The following LGALS8 variants were observed in gnomAD, a reference collection of about 807,000 sequenced individuals.
The protein encoded by LGALS8 is galectin 8.
In LGALS8, 30 loss-of-function variants were observed where a neutral mutation model predicts 35.9. That is an observed-to-expected ratio of 0.83 (90% confidence interval 0.62 to 1.13). The LOEUF is 1.13. LGALS8 is among the 50% of genes most tolerant of loss of function. LGALS8 has a pLI of 0.00. For missense variants in LGALS8, 366 were observed against 388.7 expected, an observed-to-expected ratio of 0.94 and a Z score of 0.49; for synonymous variants, 138 against 136.1, an observed-to-expected ratio of 1.01 and a Z score of -0.10.
rs10158194 is a variant in LGALS8, at chr1:236,551,146, C to T, written c.*2985C>T. ...TAACAAAGCAGGAGGCGCCACGGAC[C>T]GCCTCCCTCCACACCGCTCCTTCCG... On this transcript the variant is annotated 3_prime_UTR_variant, in exon 10 of 10. Coordinates refer to ENST00000366584, the MANE Select transcript of LGALS8 (RefSeq NM_201544.4). 1,505 of 604,796 alleles carry T rather than the reference C, an allele frequency of 2.5e-3. 18 individuals are homozygous for T. In the African/African-American group the frequency reaches 0.025, roughly 10 times the overall value. The allele number at this position is 604,796 out of a possible 1,614,324, so 37.5% of individuals were successfully genotyped here. A position where few individuals can be genotyped will look rare whatever the true frequency, so the allele number is the denominator to read the frequency against.
intron 2 of LGALS8, among the ~76,000 whole-genome samples, chr1:236,530,912 T>C (rs1661105712): frequency 6.6e-6 from 1 of 152,220 alleles, no homozygotes; most frequent in Admixed American, 6.5e-5. Context: ...CCAAGGGCAA[T>C]CACTTTTTAC....
At chr1:236,531,698 T>C (rs973302657) in intron 2 of LGALS8, among the ~76,000 whole-genome samples, 1 of 152,108 alleles carries the variant, frequency 6.6e-6, no homozygotes, top group Non-Finnish European at 1.5e-5. Context: ...GTTTTCCTCT[T>C]ACTGAAATTT....
rs754673793 is a variant in LGALS8, at chr1:236,526,155, G to A, written c.45+40G>A. On this transcript the variant is annotated intron_variant, in intron 2 of 9. Coordinates refer to ENST00000366584, the MANE Select transcript of LGALS8 (RefSeq NM_201544.4). This position sits in a 1 kb window ranked among gnomAD's most constrained non-coding sequence, Gnocchi z 4.6. Reference sequence around the variant, plus strand: ...TAAGATAACTTTTTACCTATGCCAGGACAGATCCAATAGAATATTAATTAT... The same window carrying A: ...TAAGATAACTTTTTACCTATGCCAGAACAGATCCAATAGAATATTAATTAT... 2 of 1,382,600 alleles carry A rather than the reference G, an allele frequency of 1.4e-6. No individual in the cohort carries two copies. The highest frequency in any genetic ancestry group is 1.7e-5 in the Admixed American group (1 of 58,894). The allele number at this position is 1,382,600 out of a possible 1,614,324, so 85.6% of individuals were successfully genotyped here.
chr1:236,544,974 A>G (rs532988269), intron 9 of LGALS8, 59 bp downstream of exon 9: 47 of 1,337,820 alleles, frequency 3.5e-5, no homozygotes, highest in Middle Eastern at 1.9e-4. Context: ...CAGGGGTGGG[A>G]TAAGTGGTCC....
At position 236,550,896 on chromosome 1, in the gene LGALS8, A is replaced by G; in HGVS notation, c.*2735A>G. On this transcript the variant is annotated 3_prime_UTR_variant, in exon 10 of 10. Coordinates refer to ENST00000366584, the MANE Select transcript of LGALS8 (RefSeq NM_201544.4). Reference sequence around the variant, plus strand: ...CTGAGTAGAGTATGAAACACCACAGAAAGTCTTAGAAATAGCTCTGGAGTG... The same window carrying G: ...CTGAGTAGAGTATGAAACACCACAGGAAGTCTTAGAAATAGCTCTGGAGTG... 1 of 1,590,028 alleles carries G rather than the reference A, an allele frequency of 6.3e-7. No homozygotes were observed. Among genetic ancestry groups the G allele is most frequent in the Non-Finnish European group, 8.5e-7 (1 of 1,170,608 alleles).
Position 236,544,791 on chromosome 1 carries a change from C to G in LGALS8, c.680C>G (p.Ala227Gly), listed in dbSNP as rs771132115. Residue 227 changes from alanine to glycine, a missense_variant, in exon 9 of 10, where the codon GCT becomes GGT. Physicochemically the swap from Ala to Gly is moderately conservative, Grantham distance 60 (BLOSUM62 0). Transcript: ENST00000366584. ...CTAGCAGGAAAATCAAAGGATATTG[C>G]TCTACACTTGAACCCACGCCTGAAT... is the stretch of plus-strand genomic sequence containing the variant. The part of the protein sequence containing the change: ...DLLAGKSKDI[A>G]LHLNPRLNIK... 6.2e-7 allele frequency: 1 copy of G among 1,613,490 alleles called. No homozygotes were observed. Among genetic ancestry groups the G allele is most frequent in the Non-Finnish European group, 8.5e-7 (1 of 1,179,698 alleles).
In LGALS8 at chr1:236,548,988, G is replaced by A. The variant is rs1662582961; in HGVS notation, c.*827G>A. On this transcript the variant is annotated 3_prime_UTR_variant, in exon 10 of 10. Coordinates refer to ENST00000366584, the MANE Select transcript of LGALS8 (RefSeq NM_201544.4). ...ACACAGACGCCTACAGAAAGTTTCA[G>A]GAAGAGGCAAGATGCATTCAATTTG... is the stretch of plus-strand genomic sequence containing the variant. 2.5e-6 allele frequency: 1 copy of A among 398,502 alleles called. No individual in the cohort carries two copies. Among genetic ancestry groups the A allele is most frequent in the Non-Finnish European group, 4.4e-6 (1 of 226,070 alleles). The allele number at this position is 398,502 out of a possible 1,614,324, so 24.7% of individuals were successfully genotyped here.
chr1:236,530,436 C>T (rs1294806869), intron 2 of LGALS8, among the ~76,000 whole-genome samples: 6 of 152,156 alleles, frequency 3.9e-5, no homozygotes, highest in Non-Finnish European at 8.8e-5. Flanking sequence ...TGATTTTTCA[C>T]TCTCTTTTCT....
At chr1:236,518,966 C>G (rs150552721), upstream of LGALS8, among the ~76,000 whole-genome samples, 292 of 152,254 alleles carry the variant, frequency 1.9e-3, no homozygotes, top group African/African-American at 6.5e-3. Flanking sequence ...AATATGGCAT[C>G]TATTTCTGTT....
intron 2 of LGALS8, among the ~76,000 whole-genome samples, chr1:236,535,899 C>T (rs1403983942): frequency 2.0e-5 from 3 of 152,238 alleles, no homozygotes; most frequent in Non-Finnish European, 2.9e-5. Flanking sequence ...CTGCCAGAGC[C>T]CACTTTCCAG....
At chr1:236,546,914 A>G (rs544791091) in intron 9 of LGALS8, among the ~76,000 whole-genome samples, 1 of 141,570 alleles carries the variant, frequency 7.1e-6, no homozygotes, top group East Asian at 2.0e-4. Context: ...CTCTGTAGCC[A>G]CAGAAGCTTC....
chr1:236,544,345 G>C (rs1662224292), intron 8 of LGALS8, among the ~76,000 whole-genome samples: 1 of 152,138 alleles, frequency 6.6e-6, no homozygotes, highest in South Asian at 2.1e-4. Flanking sequence ...CTGAAAGCTT[G>C]AAATTAGAGC....
chr1:236,548,822 CAAGT>C lies in LGALS8; in HGVS notation c.*664_*667del, dbSNP rs1662574136. On this transcript the variant is annotated 3_prime_UTR_variant, in exon 10 of 10. Coordinates refer to ENST00000366584, the MANE Select transcript of LGALS8 (RefSeq NM_201544.4). ...TGGCTCTATTAGCTGCAAGCTTTAC[CAAGT>C]AATTGGCATGACATCTGAGCACAGA... is the stretch of plus-strand genomic sequence containing the variant. 2.3e-5 allele frequency: 9 copies of C among 397,472 alleles called. No individual in the cohort carries two copies. Among genetic ancestry groups the C allele is most frequent in the African/African-American group, 1.8e-4 (9 of 48,688 alleles). 24.6% of individuals were successfully genotyped at this position (397,472 alleles called of 1,614,324 possible).
At chr1:236,546,177 T>A (rs765567242) in intron 9 of LGALS8, among the ~76,000 whole-genome samples, 3 of 152,200 alleles carry the variant, frequency 2.0e-5, no homozygotes, top group East Asian at 1.9e-4. Flanking sequence ...GTGAACCACA[T>A]TCCAGGCATT....
Position 236,540,578 on chromosome 1 carries a change from A to AAAAC in LGALS8, c.362_365dup (p.His122GlnfsTer32). 6.2e-7 allele frequency: 1 copy of AAAAC among 1,605,274 alleles called. No homozygotes were observed. The highest frequency in any genetic ancestry group is 8.5e-7 in the Non-Finnish European group (1 of 1,176,430). On this transcript the variant is annotated frameshift_variant, in exon 5 of 10. Transcript: ENST00000366584. LOFTEE classifies it high-confidence loss of function. ...TATCTCTCTAGGTGGCTGTAAATGG[A>AAAAC]AAACATACTCTGCTCTATGGCCACA...
upstream of LGALS8, chr1:236,523,926 G>A (rs868521104): frequency 9.5e-5 from 34 of 358,376 alleles, no homozygotes; most frequent in Middle Eastern, 3.1e-3. Context: ...TGAGGCGCGC[G>A]AGCCGGGAAG....
chr1:236,541,472 C>T, intron 5 of LGALS8, 182 bp from the exon 6 acceptor site: 1 of 481,656 alleles, frequency 2.1e-6, no homozygotes, highest in Non-Finnish European at 3.7e-6. Flanking sequence ...ACATCTTATT[C>T]TCTGTAATGT....
intron 2 of LGALS8, among the ~76,000 whole-genome samples, chr1:236,532,086 C>T (rs1003420643): frequency 1.3e-5 from 2 of 152,154 alleles, no homozygotes; most frequent in African/African-American, 4.8e-5. Flanking sequence ...CATAAGCACC[C>T]TCACACATAT....
chr1:236,518,983 G>T (rs1381984916), upstream of LGALS8, among the ~76,000 whole-genome samples: 1 of 152,124 alleles, frequency 6.6e-6, no homozygotes, highest in Non-Finnish European at 1.5e-5. Context: ...TGTTTAATCA[G>T]TTAACCCTGC....
Sources: allele counts gnomAD v4.1 joint callset (sites outside exome capture counted in the v4.1 genomes callset), GRCh38; gene constraint gnomAD v4.1.1; non-coding constraint Gnocchi (gnomAD v3.1); transcripts MANE v1.5; gene names NCBI Gene and HGNC (gene_info 2026-07-23, HGNC 2026-07-21).